Variants in DYNC1H1 observed in about 807,000 individuals in gnomAD.
DYNC1H1 encodes dynein cytoplasmic 1 heavy chain 1.
DYNC1H1 carries 51 observed loss-of-function variants against 527.1 expected under a neutral mutation model. The ratio of observed to expected loss-of-function variants is 0.10; its 90% CI spans 0.08 to 0.12. DYNC1H1 has a LOEUF of 0.12. Ranked by LOEUF, DYNC1H1 falls within the 10% of genes least tolerant of loss-of-function variation. The probability of loss-of-function intolerance (pLI) is 1.00; values close to 1 mark genes in which losing one functional copy is unlikely to be tolerated. For synonymous variants in DYNC1H1, 2,189 were observed against 2,278.8 expected, an observed-to-expected ratio of 0.96 and a Z score of 1.12; for missense variants, 2,771 against 5,971.8, an observed-to-expected ratio of 0.46 and a Z score of 17.66.
In DYNC1H1 at chr14:102,010,894, A is replaced by G; in HGVS notation, c.6560A>G (p.Gln2187Arg). 6.2e-7 allele frequency: 1 copy of G among 1,614,260 alleles called. No homozygotes were observed. Among genetic ancestry groups the G allele is most frequent in the Non-Finnish European group, 8.5e-7 (1 of 1,180,042 alleles). The change falls in exon 32 of 78, where the codon CAG becomes CGG. Residue 2187 changes from glutamine (Q) to arginine (R), a missense_variant. Gln to Arg is a conservative substitution (Grantham distance 43). Coordinates refer to ENST00000360184, the MANE Select transcript of DYNC1H1 (RefSeq NM_001376.5). The surrounding 1 kb of genome is among the most constrained non-coding windows in gnomAD (Gnocchi z 6.0). ...CGAGAGGAGCTGAAGAAAGTGTGTC[A>G]GGAGATGTATTTGACATATGGAGAT... is the stretch of plus-strand genomic sequence containing the variant. ...ALREELKKVC[Q>R]EMYLTYGDGE...
chr14:102,040,146 GTTTTCTC>G, intron 62 of DYNC1H1, 83 bp from the exon 63 acceptor site: 3 of 1,567,644 alleles, frequency 1.9e-6, no homozygotes, highest in Non-Finnish European at 2.6e-6. Flanking sequence ...TGCCCGGCCT[GTTTTCTC>G]TTTTCTTAAA....
At position 102,042,537 on chromosome 14, in the gene DYNC1H1, A is replaced by G; in HGVS notation, c.12399+30A>G. ...GTGGTTGAAGGAGTGGAGACGTTGC[A>G]GGCTGGCCTGGCACTGTGCTGTCGG... On this transcript the variant is annotated intron_variant, in intron 68 of 77. Transcript: ENST00000360184. The surrounding 1 kb of genome is among the most constrained non-coding windows in gnomAD (Gnocchi z 5.7). The G allele has an allele frequency of 1.2e-6, 2 of 1,613,992 alleles. No individual in the cohort carries two copies. Among genetic ancestry groups the G allele is most frequent in the South Asian group, 2.2e-5 (2 of 91,064 alleles).
Position 102,000,004 on chromosome 14 carries a change from G to C in DYNC1H1, c.3820G>C (p.Glu1274Gln), listed in dbSNP as rs2048112023. 1 of 1,614,130 alleles carries C rather than the reference G, an allele frequency of 6.2e-7. No homozygotes were observed. The highest frequency in any genetic ancestry group is 1.3e-5 in the African/African-American group (1 of 74,950). ...TKPVTGNLRP[E>Q]EALQALTIYE... is the part of the protein sequence containing the mutation. ...CTGCTTTCAGGGCAACCTTCGCCCAGAAGAGGCACTTCAGGCTCTCACCAT... is the reference window on the plus strand; with the variant it reads ...CTGCTTTCAGGGCAACCTTCGCCCACAAGAGGCACTTCAGGCTCTCACCAT... The change falls in exon 17 of 78, where the codon GAA becomes CAA. Residue 1274 changes from glutamate to glutamine, a missense_variant. This residue lies in a region of DYNC1H1 where 223 missense variants were observed against 462.5 expected (regional missense o/e 0.48). Coordinates refer to ENST00000360184, the MANE Select transcript of DYNC1H1 (RefSeq NM_001376.5).
At chr14:102,047,192 A>G (rs893157757) in intron 72 of DYNC1H1, among the ~76,000 whole-genome samples, 2 of 151,994 alleles carry the variant, frequency 1.3e-5, no homozygotes, top group Non-Finnish European at 2.9e-5. Flanking sequence ...CTTATTCTGT[A>G]TCTGTCTCCT....
chr14:102,016,684 T>TC lies in DYNC1H1; in HGVS notation c.7615-81dup. ...CCAATTACTTCCTTGTTCTGAAAGT[T>TC]CAAGTTTGTGTTCAGGTAAACAAAC... is the stretch of plus-strand genomic sequence containing the variant. On this transcript the variant is annotated intron_variant, in intron 37 of 77. Coordinates refer to ENST00000360184, the MANE Select transcript of DYNC1H1 (RefSeq NM_001376.5). The surrounding 1 kb of genome is among the most constrained non-coding windows in gnomAD (Gnocchi z 7.3). 1 of 1,554,380 alleles carries TC rather than the reference T, an allele frequency of 6.4e-7. No homozygotes were observed.
rs774018676 is a variant in DYNC1H1, at chr14:102,047,639, GTGTATA to G, written c.13007-176_13007-171del. On this transcript the variant is annotated intron_variant, in intron 72 of 77. Coordinates refer to ENST00000360184, the MANE Select transcript of DYNC1H1 (RefSeq NM_001376.5). The stretch of plus-strand genomic sequence containing the variant: ...TATACACGTGTGTGTGTGTGTGTGT[GTGTATA>G]TATATATATATATATATATGTACAC... 7.2e-4 allele frequency: 252 copies of G among 351,390 alleles called. 1 individual carries two copies. The highest frequency in any genetic ancestry group is 9.1e-4 in the Non-Finnish European group (192 of 210,138). 21.8% of individuals were successfully genotyped at this position (351,390 alleles called of 1,614,324 possible).
rs534941560 is a variant in DYNC1H1, at chr14:101,983,764, G to A, written c.1461+155G>A. On this transcript the variant is annotated intron_variant, in intron 7 of 77. Coordinates refer to ENST00000360184, the MANE Select transcript of DYNC1H1 (RefSeq NM_001376.5). The surrounding 1 kb of genome is among the most constrained non-coding windows in gnomAD (Gnocchi z 5.3). The stretch of plus-strand genomic sequence containing the variant: ...ATGATCTTGGCTCACTGCAACCTCC[G>A]CCTTCTGGGTTCAAGCGATTCTCCT... Among the ~76,000 whole-genome samples, 152 of 151,496 alleles carry A rather than the reference G, an allele frequency of 1.0e-3. 1 individual carries two copies. The highest frequency in any genetic ancestry group is 1.9e-3 in the Non-Finnish European group (131 of 67,938).
chr14:102,011,053 G>A lies in DYNC1H1; in HGVS notation c.6618+101G>A. The A allele has an allele frequency of 8.1e-7, 1 of 1,236,932 alleles. No homozygotes were observed. Among genetic ancestry groups the A allele is most frequent in the South Asian group, 1.2e-5 (1 of 81,890 alleles). 76.6% of individuals were successfully genotyped at this position (1,236,932 alleles called of 1,614,324 possible). On this transcript the variant is annotated intron_variant, in intron 32 of 77. Transcript: ENST00000360184. The surrounding 1 kb of genome is among the most constrained non-coding windows in gnomAD (Gnocchi z 5.3). ...GCCCTTCGATGAAACTGTCCACAAAGGCTGTGGAGGTGCATAATATGCTTT... is the reference window on the plus strand; with the variant it reads ...GCCCTTCGATGAAACTGTCCACAAAAGCTGTGGAGGTGCATAATATGCTTT...
Position 102,012,517 on chromosome 14 carries a change from A to G in DYNC1H1, c.7014+47A>G. On this transcript the variant is annotated intron_variant, in intron 34 of 77. Coordinates refer to ENST00000360184, the MANE Select transcript of DYNC1H1 (RefSeq NM_001376.5). The surrounding 1 kb of genome is among the most constrained non-coding windows in gnomAD (Gnocchi z 4.9). ...GTCAACTGAATAATTCCTTTTGGCC[A>G]ACTAAACTTCGTGTGCTAGCTAAGT... 2 of 1,613,720 alleles carry G rather than the reference A, an allele frequency of 1.2e-6. No individual in the cohort carries two copies. The highest frequency in any genetic ancestry group is 2.2e-5 in the East Asian group (1 of 44,878).
At chr14:102,021,544 C>T (rs762461767) in intron 42 of DYNC1H1, among the ~76,000 whole-genome samples, 1 of 152,096 alleles carries the variant, frequency 6.6e-6, no homozygotes, top group Non-Finnish European at 1.5e-5. Flanking sequence ...CAGTCAGCTT[C>T]TCAAAAGGTC....
At chr14:102,000,802 G>T (rs560607327) in intron 18 of DYNC1H1, 152 bp from the exon 19 acceptor site, 4 of 714,410 alleles carry the variant, frequency 5.6e-6, no homozygotes, top group Non-Finnish European at 1.0e-5. Context: ...TCGAACTCCC[G>T]ACCTCAAGTG....
At position 102,041,195 on chromosome 14, in the gene DYNC1H1, T is replaced by G; in HGVS notation, c.11942-379T>G. The G allele has an allele frequency of 2.8e-6, 1 of 356,368 alleles. No individual in the cohort carries two copies. The highest frequency in any genetic ancestry group is 2.5e-5 in the South Asian group (1 of 40,342). 22.1% of individuals were successfully genotyped at this position (356,368 alleles called of 1,614,324 possible). On this transcript the variant is annotated intron_variant, in intron 64 of 77. Transcript: ENST00000360184. This position sits in a 1 kb window ranked among gnomAD's most constrained non-coding sequence, Gnocchi z 4.5. Reference sequence around the variant, plus strand: ...GACAGGAATGGAATGCCATCAGCCGTTTTTGAGTGTGTTAGGCCAGACCCT... The same window carrying G: ...GACAGGAATGGAATGCCATCAGCCGGTTTTGAGTGTGTTAGGCCAGACCCT...
intron 11 of DYNC1H1, among the ~76,000 whole-genome samples, chr14:101,993,831 A>G (rs1393225269): frequency 1.3e-5 from 2 of 152,122 alleles, no homozygotes; most frequent in South Asian, 2.1e-4. Context: ...CTCCTCCCAT[A>G]GAGTGTAAGT....
rs532720319 is a variant in DYNC1H1 at position 102,008,174 on chromosome 14, C to T, written c.5818-4C>T. On this transcript the variant is annotated splice_region_variant and splice_polypyrimidine_tract_variant and intron_variant, in intron 28 of 77. Coordinates refer to ENST00000360184, the MANE Select transcript of DYNC1H1 (RefSeq NM_001376.5). ...TTTAGCGCCTTTCTTCCTCTCCTTT[C>T]CAGGCAATGGGCCGGATCTTTGTGG... 1.1e-5 allele frequency: 17 copies of T among 1,614,036 alleles called. No individual in the cohort carries two copies. The Admixed American group carries it at 2.0e-4, about 19-fold the overall frequency.
At position 102,011,722 on chromosome 14, in the gene DYNC1H1, A is replaced by T; in HGVS notation, c.6619-153A>T. On this transcript the variant is annotated intron_variant, in intron 32 of 77. Coordinates refer to ENST00000360184, the MANE Select transcript of DYNC1H1 (RefSeq NM_001376.5). This position sits in a 1 kb window ranked among gnomAD's most constrained non-coding sequence, Gnocchi z 5.3. ...AGCTGAGATCGTGCCACTGCATTCC[A>T]GTCTGGGTGACAGAGAGAGACTCCG... 1 of 766,586 alleles carries T rather than the reference A, an allele frequency of 1.3e-6. No individual in the cohort carries two copies. Among genetic ancestry groups the T allele is most frequent in the Non-Finnish European group, 2.2e-6 (1 of 460,174 alleles). The allele number at this position is 766,586 out of a possible 1,614,324, so 47.5% of individuals were successfully genotyped here. A position where few individuals can be genotyped will look rare whatever the true frequency, so the allele number is the denominator to read the frequency against.
At position 102,041,759 on chromosome 14, in the gene DYNC1H1, T is replaced by A; in HGVS notation, c.12102+25T>A. The stretch of plus-strand genomic sequence containing the variant: ...GGTAATGTCCTGGTACAGCCCGGGC[T>A]TCCCACGAGACTCCATGCCCACCTC... On this transcript the variant is annotated intron_variant, in intron 65 of 77. Coordinates refer to ENST00000360184, the MANE Select transcript of DYNC1H1 (RefSeq NM_001376.5). This position sits in a 1 kb window ranked among gnomAD's most constrained non-coding sequence, Gnocchi z 4.5. The A allele has an allele frequency of 6.2e-7, 1 of 1,613,396 alleles. No individual in the cohort carries two copies. The highest frequency in any genetic ancestry group is 8.5e-7 in the Non-Finnish European group (1 of 1,179,968).
intron 1 of DYNC1H1, among the ~76,000 whole-genome samples, chr14:101,972,981 C>T (rs2047757062): frequency 6.6e-6 from 1 of 152,044 alleles, no homozygotes; most frequent in Non-Finnish European, 1.5e-5. Flanking sequence ...TGTGTGGCTG[C>T]TTTCAGGCAG....
At chr14:101,970,450 A>G (rs1275104520) in intron 1 of DYNC1H1, among the ~76,000 whole-genome samples, 4 of 134,474 alleles carry the variant, frequency 3.0e-5, no homozygotes, top group African/African-American at 8.7e-5. Flanking sequence ...ATAATGTGGT[A>G]TTAGTATGTT....
Position 102,002,453 on chromosome 14 carries a change from T to C in DYNC1H1, c.4543-84T>C, listed in dbSNP as rs974179436. 6 of 1,560,252 alleles carry C rather than the reference T, an allele frequency of 3.8e-6. No individual in the cohort carries two copies. The African/African-American group carries it at 6.8e-5, about 18-fold the overall frequency. On this transcript the variant is annotated intron_variant, in intron 21 of 77. Coordinates refer to ENST00000360184, the MANE Select transcript of DYNC1H1 (RefSeq NM_001376.5). The surrounding 1 kb of genome is among the most constrained non-coding windows in gnomAD (Gnocchi z 4.4). ...TGAATCAGATTACTTCATGAGATCCTGATCTGCGCTTTTTCAGTGAGTTTT... is the reference window on the plus strand; with the variant it reads ...TGAATCAGATTACTTCATGAGATCCCGATCTGCGCTTTTTCAGTGAGTTTT...
Sources: gnomAD v4.1 joint callset for allele counts (sites outside exome capture counted in the v4.1 genomes callset) on GRCh38, gnomAD v4.1.1 for gene constraint, gnomAD v4.1.1 regional missense constraint, Gnocchi (gnomAD v3.1) non-coding constraint, MANE v1.5 for transcripts, NCBI Gene and HGNC (gene_info 2026-07-23, HGNC 2026-07-21) for gene names.